LPCAT1: variants seen among roughly 807,000 people sequenced by gnomAD.
LPCAT1 encodes 1-acylglycerol-3-phosphate O-acyltransferase.
In LPCAT1, 23 loss-of-function variants were observed where a neutral mutation model predicts 60.9. That is an observed-to-expected ratio of 0.38 (90% CI 0.27 to 0.53). The LOEUF is 0.53. Ranked by LOEUF, LPCAT1 falls within the 20% of genes least tolerant of loss-of-function variation. The pLI is 0.82. For synonymous variants in LPCAT1, 340 were observed against 301.1 expected (o/e 1.13, Z -1.34); for missense variants, 622 against 723.6 (o/e 0.86, Z 1.61).
chr5:1,484,180 G>T (rs1056159177), intron 5 of LPCAT1, among the ~76,000 whole-genome samples: 3 of 152,234 alleles, frequency 2.0e-5, no homozygotes, highest in African/African-American at 7.2e-5. Flanking sequence ...GGCTCCCAAG[G>T]AATCAGGAGG....
intron 7 of LPCAT1, 144 bp from the exon 8 acceptor site, chr5:1,479,819 G>A: frequency 1.5e-6 from 1 of 657,416 alleles, no homozygotes; most frequent in Non-Finnish European, 2.7e-6. Context: ...GGGGTGCCGT[G>A]CCCACCCAGC....
At chr5:1,472,005 CT>C (rs146931805) in intron 11 of LPCAT1, among the ~76,000 whole-genome samples, 19 of 11,550 alleles carry the variant, frequency 1.6e-3, no homozygotes, top group East Asian at 8.3e-3. Context: ...GTGAGGAGCA[CT>C]CAGGAGCAGA....
chr5:1,511,199 C>A (rs1053401417), intron 1 of LPCAT1, among the ~76,000 whole-genome samples: 2 of 152,196 alleles, frequency 1.3e-5, no homozygotes, highest in Admixed American at 1.3e-4. Context: ...CCTCCGACTG[C>A]GACCGCACAG....
At position 1,521,995 on chromosome 5, in the gene LPCAT1, G is replaced by A. The variant is rs1377231869; in HGVS notation, c.135+1715C>T. Among the ~76,000 whole-genome samples the A allele has an allele frequency of 1.3e-5, 2 of 152,214 alleles. No homozygotes were observed. The highest frequency in any genetic ancestry group is 2.9e-5 in the Non-Finnish European group (2 of 68,034). Reference sequence around the variant, plus strand: ...GGGCTGCAACTATGACAGGGATGACGAAGTGGCCTCCGGGGACCTCCAGGG... The same window carrying A: ...GGGCTGCAACTATGACAGGGATGACAAAGTGGCCTCCGGGGACCTCCAGGG... On this transcript the variant is annotated intron_variant, in intron 1 of 13. Coordinates refer to ENST00000283415, the MANE Select transcript of LPCAT1 (RefSeq NM_024830.5). The surrounding 1 kb of genome is among the most constrained non-coding windows in gnomAD (Gnocchi z 4.3).
intron 3 of LPCAT1, among the ~76,000 whole-genome samples, chr5:1,490,376 C>G (rs1374233284): frequency 2.6e-5 from 4 of 152,194 alleles, no homozygotes; most frequent in South Asian, 2.1e-4. Context: ...GAAGAGGAGA[C>G]AAAGCAGATG....
chr5:1,523,950 G>T lies in LPCAT1; in HGVS notation c.-106C>A, dbSNP rs1273411103. On this transcript the variant is annotated 5_prime_UTR_variant, in exon 1 of 14. Transcript: ENST00000283415. The surrounding 1 kb of genome is among the most constrained non-coding windows in gnomAD (Gnocchi z 7.1). ...GGGCGCGGGCCGAGGATGCGCGGCG[G>T]CTGGAGCGGGCCGGGCGCGCAGGCG... is the stretch of plus-strand genomic sequence containing the variant. 4.9e-6 allele frequency: 4 copies of T among 813,626 alleles called. No individual in the cohort carries two copies. The East Asian group carries it at 4.9e-4, about 99-fold the overall frequency. 50.4% of individuals were successfully genotyped at this position (813,626 alleles called of 1,614,324 possible).
At chr5:1,516,651 G>C (rs867286534) in intron 1 of LPCAT1, among the ~76,000 whole-genome samples, 4 of 150,784 alleles carry the variant, frequency 2.7e-5, no homozygotes, top group Admixed American at 6.6e-5. Flanking sequence ...TTTTAAGCTT[G>C]TATGTGGCAA....
Position 1,463,751 on chromosome 5 carries a change from G to C in LPCAT1, c.1505C>G (p.Ala502Gly). The C allele has an allele frequency of 2.5e-6, 4 of 1,614,244 alleles. No individual in the cohort carries two copies. Among genetic ancestry groups the C allele is most frequent in the Non-Finnish European group, 3.4e-6 (4 of 1,180,034 alleles). Reference sequence around the variant, plus strand: ...TGGGATTGGCGCAGGTGAGGTCTCTGCACAGCTTTCGAAATGTGTCTGATC... The same window carrying C: ...TGGGATTGGCGCAGGTGAGGTCTCTCCACAGCTTTCGAAATGTGTCTGATC... ...YPDQTHFESC[A>G]ETSPAPIPNG... The change falls in exon 14 of 14, where the codon GCA becomes GGA. Residue 502 changes from alanine (A) to glycine (G), a missense_variant. Physicochemically the swap from Ala to Gly is moderately conservative, Grantham distance 60. This residue lies in a region of LPCAT1 where 288 missense variants were observed against 283.6 expected (regional missense o/e 1.02). Transcript: ENST00000283415.
At position 1,480,638 on chromosome 5, in the gene LPCAT1, C is replaced by G. The variant is rs939503461; in HGVS notation, c.761+304G>C. On this transcript the variant is annotated intron_variant, in intron 7 of 13. Transcript: ENST00000283415. This position sits in a 1 kb window ranked among gnomAD's most constrained non-coding sequence, Gnocchi z 6.4. ...CAGACACCCCTAAATCTCCACTTTC[C>G]TTACCAGGGGCCACCAGGTGGACGA... 5.3e-5 allele frequency among the ~76,000 whole-genome samples: 8 copies of G among 152,154 alleles called. No homozygotes were observed. The highest frequency in any genetic ancestry group is 1.0e-4 in the Non-Finnish European group (7 of 68,020).
chr5:1,499,975 C>T (rs1054845987), intron 2 of LPCAT1, among the ~76,000 whole-genome samples: 1 of 152,280 alleles, frequency 6.6e-6, no homozygotes, highest in African/African-American at 2.4e-5. Context: ...GCCCATTACA[C>T]CTTTCGGAGG....
rs762947298 is a variant in LPCAT1 at position 1,466,734 on chromosome 5, C to A, written c.1420+15G>T. ...CCCAAGGGTCGCGAGGACGACCCCA[C>A]TCCTGCGGGCTCACCGAATGTGATC... On this transcript the variant is annotated intron_variant, in intron 13 of 13. Coordinates refer to ENST00000283415, the MANE Select transcript of LPCAT1 (RefSeq NM_024830.5). 21 of 1,604,704 alleles carry A rather than the reference C, an allele frequency of 1.3e-5. No homozygotes were observed. The highest frequency in any genetic ancestry group is 1.8e-5 in the Non-Finnish European group (21 of 1,173,892).
intron 13 of LPCAT1, among the ~76,000 whole-genome samples, chr5:1,466,227 G>A (rs1370081720): frequency 6.6e-6 from 1 of 152,196 alleles, no homozygotes. Flanking sequence ...CCGACAGCTC[G>A]TGCTCTGGAA....
chr5:1,468,265 T>C (rs1027149688), intron 12 of LPCAT1, among the ~76,000 whole-genome samples: 5 of 152,236 alleles, frequency 3.3e-5, no homozygotes, highest in Admixed American at 6.5e-5. Flanking sequence ...GCGGCCACCC[T>C]GTCTTCTGTG....
rs954777354 is a variant in LPCAT1 at position 1,466,870 on chromosome 5, G to A, written c.1299C>T (p.Asp433=). Reference sequence around the variant, plus strand: ...ACAGGTCACCTTCGCCGACGCTGCCGTCCTCTTGCGCTCCGTACATCTGCA... The same window carrying A: ...ACAGGTCACCTTCGCCGACGCTGCCATCCTCTTGCGCTCCGTACATCTGCA... ...LAFKMYGAQE[D]GSVGEGDLSC... The change falls in exon 13 of 14, where the codon GAC becomes GAT. Residue 433 remains aspartate (D), a synonymous_variant. Coordinates refer to ENST00000283415, the MANE Select transcript of LPCAT1 (RefSeq NM_024830.5). 6.8e-6 allele frequency: 11 copies of A among 1,606,948 alleles called. No individual in the cohort carries two copies. In the Middle Eastern group the frequency reaches 5.0e-4, roughly 73 times the overall value.
chr5:1,489,682 A>G, intron 4 of LPCAT1, 64 bp downstream of exon 4: 2 of 1,202,864 alleles, frequency 1.7e-6, no homozygotes, highest in Non-Finnish European at 1.2e-6. Flanking sequence ...CTTTCTCCCC[A>G]CTCGCGAAGT....
intron 1 of LPCAT1, among the ~76,000 whole-genome samples, chr5:1,506,041 G>A (rs1264363340): frequency 6.6e-6 from 1 of 152,278 alleles, no homozygotes; most frequent in Non-Finnish European, 1.5e-5. Context: ...GCAGCAAGGA[G>A]AGGGGCCTGT....
At chr5:1,491,717 G>A (rs762449979) in intron 3 of LPCAT1, among the ~76,000 whole-genome samples, 10 of 152,166 alleles carry the variant, frequency 6.6e-5, no homozygotes, top group South Asian at 2.1e-4. Flanking sequence ...GCGTTCTGCC[G>A]TCTTTTGGGC....
At chr5:1,486,989 TGA>T (rs1467241901) in intron 5 of LPCAT1, among the ~76,000 whole-genome samples, 25 of 152,192 alleles carry the variant, frequency 1.6e-4, no homozygotes, top group Admixed American at 4.6e-4. Flanking sequence ...TGATATGCGT[TGA>T]GAGGTGCTCA....
rs1735803464 is a variant in LPCAT1, at chr5:1,496,600, C to T, written c.279-1686G>A. Among the ~76,000 whole-genome samples the T allele has an allele frequency of 6.6e-6, 1 of 152,046 alleles. No individual in the cohort carries two copies. Among genetic ancestry groups the T allele is most frequent in the Admixed American group, 6.6e-5 (1 of 15,258 alleles). On this transcript the variant is annotated intron_variant, in intron 2 of 13. Transcript: ENST00000283415. This position sits in a 1 kb window ranked among gnomAD's most constrained non-coding sequence, Gnocchi z 4.7. ...GACAGCAGGAAAAAAGGGATTAAAA[C>T]CCGGGCGGCCCTTAGAGGAACACAC...
Sources: gnomAD v4.1 joint callset for allele counts (sites outside exome capture counted in the v4.1 genomes callset) on GRCh38, gnomAD v4.1.1 for gene constraint, gnomAD v4.1.1 regional missense constraint, Gnocchi (gnomAD v3.1) non-coding constraint, MANE v1.5 for transcripts, NCBI Gene and HGNC (gene_info 2026-07-23, HGNC 2026-07-21) for gene names.